The following KCNK2 variants were observed in gnomAD, a reference collection of about 807,000 sequenced individuals.
KCNK2 encodes the protein potassium channel subfamily K member 2.
Under a neutral mutation model 40.5 loss-of-function variants are expected in KCNK2, and 21 were observed. That is an observed-to-expected ratio of 0.52 (90% CI 0.37 to 0.75). KCNK2 has a LOEUF of 0.75. Among genes scored for constraint, KCNK2 ranks in the 30% least tolerant of loss-of-function variants. The pLI, the probability that KCNK2 is intolerant of heterozygous loss-of-function variation, is 0.00. For missense variants in KCNK2, 399 were observed against 531.6 expected, an observed-to-expected ratio of 0.75 and a Z score of 2.45; for synonymous variants, 191 against 202.2, an observed-to-expected ratio of 0.94 and a Z score of 0.47.
chr1:215,119,826 C>T (rs1021223542), intron 2 of KCNK2, among the ~76,000 whole-genome samples: 2 of 152,028 alleles, frequency 1.3e-5, no homozygotes, highest in African/African-American at 4.8e-5. Context: ...TTACTTTAGC[C>T]ACATAATGTG....
chr1:215,064,491 A>G (rs1280090511), intron 1 of KCNK2, among the ~76,000 whole-genome samples: 1 of 152,196 alleles, frequency 6.6e-6, no homozygotes, highest in Non-Finnish European at 1.5e-5. Flanking sequence ...AGACTGCAGT[A>G]TCCACTGCCT....
At chr1:215,034,246 C>T (rs1558063649) in intron 1 of KCNK2, among the ~76,000 whole-genome samples, 2 of 152,082 alleles carry the variant, frequency 1.3e-5, no homozygotes, top group South Asian at 4.1e-4. Flanking sequence ...GTTTTAAAAT[C>T]TCTCAGTAAT....
intron 2 of KCNK2, among the ~76,000 whole-genome samples, chr1:215,106,388 C>T (rs1660441062): frequency 6.6e-6 from 1 of 151,952 alleles, no homozygotes; most frequent in South Asian, 2.1e-4. Context: ...TGTATGTCTT[C>T]TTTTGAGAAG....
intron 1 of KCNK2, among the ~76,000 whole-genome samples, chr1:215,073,727 T>G (rs760209697): frequency 6.6e-6 from 1 of 152,174 alleles, no homozygotes; most frequent in Non-Finnish European, 1.5e-5. Flanking sequence ...GGAAGTTACT[T>G]AACTTCTTTG....
In KCNK2 at chr1:215,006,024, T is replaced by C. The variant is rs189592678; in HGVS notation, c.34+69T>C. 4.9e-4 allele frequency: 626 copies of C among 1,281,566 alleles called. 4 individuals carry two copies. In the African/African-American group the frequency reaches 8.3e-3, roughly 17 times the overall value. 79.4% of individuals were successfully genotyped at this position (1,281,566 alleles called of 1,614,324 possible). A position where few individuals can be genotyped will look rare whatever the true frequency, so the allele number is the denominator to read the frequency against. On this transcript the variant is annotated intron_variant, in intron 1 of 6. Transcript: ENST00000391895. ...TTTTCTAGAGTAGGCTGAGTAGATT[T>C]CCAAGCAAGTATTTGATGTAAGGAG...
chr1:215,214,014 A>G (rs1354921076), intron 6 of KCNK2, among the ~76,000 whole-genome samples: 1 of 152,162 alleles, frequency 6.6e-6, no homozygotes, highest in Non-Finnish European at 1.5e-5. Flanking sequence ...CTCTACCTTT[A>G]TATTTCTACA....
At chr1:215,032,229 G>A (rs1657226980) in intron 1 of KCNK2, among the ~76,000 whole-genome samples, 1 of 151,780 alleles carries the variant, frequency 6.6e-6, no homozygotes, top group South Asian at 2.1e-4. Context: ...GCAACATAGG[G>A]AGACCCTGTG....
intron 3 of KCNK2, among the ~76,000 whole-genome samples, chr1:215,148,048 T>G (rs1316567043): frequency 6.6e-6 from 1 of 150,858 alleles, no homozygotes; most frequent in Admixed American, 6.6e-5. Context: ...ATTGAAATGA[T>G]ATTTTAATTA....
intron 3 of KCNK2, among the ~76,000 whole-genome samples, chr1:215,164,125 AT>A (rs951780159): frequency 1.3e-5 from 2 of 151,928 alleles, no homozygotes; most frequent in African/African-American, 4.8e-5. Context: ...CAGGGATTCG[AT>A]TTTTTCCTGG....
chr1:215,236,790 G>C lies in KCNK2; in HGVS notation c.*1645G>C, dbSNP rs1162890231. On this transcript the variant is annotated 3_prime_UTR_variant, in exon 7 of 7. Coordinates refer to ENST00000444842, the MANE Select transcript of KCNK2 (RefSeq NM_001017425.3). Reference sequence around the variant, plus strand: ...GGGGGTGGGAGCTGTATCTGAATAAGTGGCATTCAGATTAGGGTCTTGAAA... The same window carrying C: ...GGGGGTGGGAGCTGTATCTGAATAACTGGCATTCAGATTAGGGTCTTGAAA... 6.6e-6 allele frequency: 1 copy of C among 151,864 alleles called. No homozygotes were observed. The highest frequency in any genetic ancestry group is 1.5e-5 in the Non-Finnish European group (1 of 67,978). The allele number at this position is 151,864 out of a possible 1,614,324, so 9.4% of individuals were successfully genotyped here. A position where few individuals can be genotyped will look rare whatever the true frequency, so the allele number is the denominator to read the frequency against.
At chr1:215,152,460 A>G (rs1276059497) in intron 3 of KCNK2, among the ~76,000 whole-genome samples, 2 of 152,154 alleles carry the variant, frequency 1.3e-5, no homozygotes, top group African/African-American at 4.8e-5. Context: ...AATGTTTCTC[A>G]TATGCATGCT....
chr1:215,222,794 A>G (rs1056848027), intron 6 of KCNK2, among the ~76,000 whole-genome samples: 1 of 151,736 alleles, frequency 6.6e-6, no homozygotes, highest in Non-Finnish European at 1.5e-5. Flanking sequence ...TCCTTTTACC[A>G]GCACAGTTCA....
intron 6 of KCNK2, among the ~76,000 whole-genome samples, chr1:215,206,643 A>G (rs1665325044): frequency 6.6e-6 from 1 of 152,222 alleles, no homozygotes; most frequent in African/African-American, 2.4e-5. Context: ...CATGTTACAC[A>G]AATCTCTGCC....
intron 2 of KCNK2, among the ~76,000 whole-genome samples, chr1:215,093,827 T>TATA (rs1383949705): frequency 5.8e-5 from 1 of 17,322 alleles, no homozygotes; most frequent in Non-Finnish European, 3.2e-4. Flanking sequence ...TTATATATTA[T>TATA]ATATAAAATA....
intron 6 of KCNK2, among the ~76,000 whole-genome samples, chr1:215,205,413 T>C (rs1258344735): frequency 6.6e-6 from 1 of 152,096 alleles, no homozygotes; most frequent in Non-Finnish European, 1.5e-5. Flanking sequence ...AATTTTTGTG[T>C]ATTTAGTAGA....
At chr1:215,049,607 A>G (rs1657911819) in intron 1 of KCNK2, among the ~76,000 whole-genome samples, 1 of 152,084 alleles carries the variant, frequency 6.6e-6, no homozygotes, top group Admixed American at 6.6e-5. Context: ...ATTTTTCTCT[A>G]AAAGTTTTAC....
intron 3 of KCNK2, among the ~76,000 whole-genome samples, chr1:215,134,850 C>T (rs1477203582): frequency 6.6e-6 from 1 of 151,946 alleles, no homozygotes; most frequent in Non-Finnish European, 1.5e-5. Context: ...CTAGAAATTA[C>T]AAGGGTTTTA....
At chr1:215,042,979 T>A (rs1469478660) in intron 1 of KCNK2, among the ~76,000 whole-genome samples, 1 of 152,182 alleles carries the variant, frequency 6.6e-6, no homozygotes, top group African/African-American at 2.4e-5. Flanking sequence ...TAAAAAACAT[T>A]TACTATGTTT....
intron 1 of KCNK2, among the ~76,000 whole-genome samples, chr1:215,070,320 G>A (rs1452470098): frequency 6.6e-6 from 1 of 150,506 alleles, no homozygotes; most frequent in Non-Finnish European, 1.5e-5. Context: ...GGAGGCTGAG[G>A]CAGGAGAATG....
Sources: allele counts gnomAD v4.1 joint callset (sites outside exome capture counted in the v4.1 genomes callset), GRCh38; gene constraint gnomAD v4.1.1; transcripts MANE v1.5; gene names NCBI Gene and HGNC (gene_info 2026-07-23, HGNC 2026-07-21).